ILRUN: variants seen among roughly 807,000 people sequenced by gnomAD.
ILRUN encodes the protein inflammation and lipid regulator with UBA-like and NBR1-like domains.
Under a neutral mutation model 33.8 loss-of-function variants are expected in ILRUN, and 3 were observed. The ratio of observed to expected loss-of-function variants is 0.09; its 90% CI spans 0.04 to 0.23. The LOEUF is 0.23. Ranked by LOEUF, ILRUN falls within the 10% of genes least tolerant of loss-of-function variation. ILRUN has a pLI of 1.00. For synonymous variants in ILRUN, 124 were observed against 138.9 expected (o/e 0.89, Z 0.75); for missense variants, 210 against 375.1 (o/e 0.56, Z 3.64).
chr6:34,674,835 G>A (rs1386728652), intron 1 of ILRUN, among the ~76,000 whole-genome samples: 3 of 151,932 alleles, frequency 2.0e-5, no homozygotes, highest in Non-Finnish European at 2.9e-5. Flanking sequence ...CCAGGCAGGA[G>A]GATCAGTTGA....
chr6:34,681,130 T>C lies in ILRUN; in HGVS notation c.158+15316A>G, dbSNP rs77911595. On this transcript the variant is annotated intron_variant, in intron 1 of 4. Transcript: ENST00000374023. ...AAGCACTTTAGAAGCACATCATGTATCATTCAATCAATCATTAGAAGGTGG... is the reference window on the plus strand; with the variant it reads ...AAGCACTTTAGAAGCACATCATGTACCATTCAATCAATCATTAGAAGGTGG... Among the ~76,000 whole-genome samples, 108 of 152,196 alleles carry C rather than the reference T, an allele frequency of 7.1e-4. 1 individual carries two copies. The East Asian group carries it at 0.014, about 19-fold the overall frequency.
chr6:34,654,613 T>G lies in ILRUN; in HGVS notation c.313+12A>C. 6.2e-7 allele frequency: 1 copy of G among 1,606,770 alleles called. No homozygotes were observed. Among genetic ancestry groups the G allele is most frequent in the Middle Eastern group, 1.7e-4 (1 of 6,032 alleles). On this transcript the variant is annotated intron_variant, in intron 2 of 4. Coordinates refer to ENST00000374023, the MANE Select transcript of ILRUN (RefSeq NM_024294.4). ...AAACTAGGCAAGGGAGGATTGCCCA[T>G]TATGTACTTACCAGAATTCTGGATC...
chr6:34,634,935 C>T (rs1446947543), intron 3 of ILRUN, among the ~76,000 whole-genome samples: 3 of 152,138 alleles, frequency 2.0e-5, no homozygotes, highest in Non-Finnish European at 4.4e-5. Flanking sequence ...TCCAAAAGAG[C>T]TGGTGGCCAC....
chr6:34,648,616 T>C (rs918395967), intron 2 of ILRUN, among the ~76,000 whole-genome samples: 2 of 152,216 alleles, frequency 1.3e-5, no homozygotes, highest in African/African-American at 4.8e-5. Flanking sequence ...TTTTCATTTC[T>C]GAGGTCTGGC....
intron 1 of ILRUN, among the ~76,000 whole-genome samples, chr6:34,678,849 A>G (rs1448053318): frequency 6.7e-6 from 1 of 150,170 alleles, no homozygotes. Flanking sequence ...AAAAAAAAAA[A>G]AAAAAAAAAA....
At chr6:34,632,170 G>A (rs1055440995) in intron 3 of ILRUN, among the ~76,000 whole-genome samples, 4 of 152,188 alleles carry the variant, frequency 2.6e-5, no homozygotes, top group Admixed American at 2.0e-4. Context: ...GCTGGGCGTG[G>A]TGGCTCACAC....
chr6:34,634,141 A>G (rs1762306347), intron 3 of ILRUN, among the ~76,000 whole-genome samples: 1 of 152,194 alleles, frequency 6.6e-6, no homozygotes, highest in South Asian at 2.1e-4. Context: ...AGAAACTAAC[A>G]TTGAACAAGA....
chr6:34,674,646 C>G (rs1763189050), intron 1 of ILRUN, among the ~76,000 whole-genome samples: 1 of 152,184 alleles, frequency 6.6e-6, no homozygotes, highest in African/African-American at 2.4e-5. Context: ...CCCCTTGTTG[C>G]TTTTAACAAG....
intron 3 of ILRUN, among the ~76,000 whole-genome samples, chr6:34,610,509 C>G (rs1418306123): frequency 2.6e-5 from 4 of 152,120 alleles, no homozygotes; most frequent in African/African-American, 9.7e-5. Context: ...GCTGAGTATT[C>G]CTAATTTGAA....
intron 1 of ILRUN, among the ~76,000 whole-genome samples, chr6:34,683,012 C>T (rs1341553837): frequency 6.6e-6 from 1 of 151,282 alleles, no homozygotes; most frequent in Non-Finnish European, 1.5e-5. Flanking sequence ...ATCTGTAGTC[C>T]CAGCTATTTG....
chr6:34,605,632 A>C (rs1419981113), intron 4 of ILRUN, among the ~76,000 whole-genome samples: 2 of 152,218 alleles, frequency 1.3e-5, no homozygotes, highest in Non-Finnish European at 2.9e-5. Context: ...CCATCTTGGA[A>C]CAAATAAAAA....
intron 3 of ILRUN, among the ~76,000 whole-genome samples, chr6:34,631,474 T>C (rs551174694): frequency 1.3e-5 from 2 of 152,174 alleles, no homozygotes; most frequent in African/African-American, 4.8e-5. Flanking sequence ...ATTACAGGCA[T>C]GTACCACCAC....
chr6:34,685,831 A>T (rs1483118328), intron 1 of ILRUN, among the ~76,000 whole-genome samples: 1 of 152,200 alleles, frequency 6.6e-6, no homozygotes, highest in Non-Finnish European at 1.5e-5. Context: ...CCAGTCCCAG[A>T]GCAGAAACAT....
In ILRUN at chr6:34,683,871, T is replaced by C. The variant is rs149160343; in HGVS notation, c.158+12575A>G. ...TGAGCTCTGGAGTTTGAGACCAGCC[T>C]GGGCAACATGGCAAGACCCTGTCTC... On this transcript the variant is annotated intron_variant, in intron 1 of 4. Coordinates refer to ENST00000374023, the MANE Select transcript of ILRUN (RefSeq NM_024294.4). Among the ~76,000 whole-genome samples the C allele has an allele frequency of 2.0e-3, 299 of 152,208 alleles. 2 individuals are homozygous for C. The highest frequency in any genetic ancestry group is 6.5e-3 in the African/African-American group (268 of 41,542).
At chr6:34,676,484 G>GCTAGC (rs535155041) in intron 1 of ILRUN, among the ~76,000 whole-genome samples, 2 of 149,758 alleles carry the variant, frequency 1.3e-5, no homozygotes, top group South Asian at 2.1e-4. Context: ...AGCTAGATAG[G>GCTAGC]TAGATATGCA....
chr6:34,682,251 GTTTTTTTTTT>G (rs66948142), intron 1 of ILRUN, among the ~76,000 whole-genome samples: 906 of 51,028 alleles, frequency 0.018, 16 homozygotes, highest in African/African-American at 0.078. Flanking sequence ...TGCAACCTCT[GTTTTTTTTTT>G]TTTTTTTTTT....
intron 3 of ILRUN, among the ~76,000 whole-genome samples, chr6:34,620,167 T>C (rs1027742255): frequency 1.3e-5 from 2 of 152,004 alleles, no homozygotes; most frequent in African/African-American, 4.8e-5. Flanking sequence ...TGGATATATA[T>C]TATATCCATC....
At position 34,614,720 on chromosome 6, in the gene ILRUN, T is replaced by C. The variant is rs147558971; in HGVS notation, c.512-7816A>G. On this transcript the variant is annotated intron_variant, in intron 3 of 4. Coordinates refer to ENST00000374023, the MANE Select transcript of ILRUN (RefSeq NM_024294.4). ...ATTGTATAGGGAGAAGGAAAAACAG[T>C]AACTCTACAATAGAAAAACCTGGCA... Among the ~76,000 whole-genome samples the C allele has an allele frequency of 2.0e-3, 311 of 151,894 alleles. 2 individuals carry two copies. Among genetic ancestry groups the C allele is most frequent in the African/African-American group, 7.1e-3 (294 of 41,440 alleles).
intron 3 of ILRUN, among the ~76,000 whole-genome samples, chr6:34,607,953 C>T (rs1023198702): frequency 2.6e-5 from 4 of 151,980 alleles, no homozygotes; most frequent in Non-Finnish European, 4.4e-5. Context: ...ATTAGCTGGC[C>T]GTGGTGGTGC....
Sources: allele counts gnomAD v4.1 joint callset (sites outside exome capture counted in the v4.1 genomes callset), GRCh38; gene constraint gnomAD v4.1.1; transcripts MANE v1.5; gene names NCBI Gene and HGNC (gene_info 2026-07-23, HGNC 2026-07-21).